Variants in TRPC7 observed in about 807,000 individuals in gnomAD.
TRPC7 encodes the protein short transient receptor potential channel 7.
Under a neutral mutation model 90.1 loss-of-function variants are expected in TRPC7, and 42 were observed. That is an observed-to-expected ratio of 0.47 (90% CI 0.36 to 0.60). TRPC7 has a LOEUF of 0.60. Ranked by LOEUF, TRPC7 falls within the 20% of genes least tolerant of loss-of-function variation. The probability of loss-of-function intolerance (pLI) is 0.00; values close to 1 mark genes in which losing one functional copy is unlikely to be tolerated. For missense variants in TRPC7, 955 were observed against 1,112.3 expected (o/e 0.86, Z 2.01); for synonymous variants, 451 against 436.3 (o/e 1.03, Z -0.42).
intron 3 of TRPC7, among the ~76,000 whole-genome samples, chr5:136,301,332 A>ATT (rs368799815): frequency 0.1 from 8,684 of 85,540 alleles, 1,271 homozygotes; most frequent in African/African-American, 0.23. Flanking sequence ...CAGCCCAGGC[A>ATT]TTTTTTTTTT....
intron 5 of TRPC7, among the ~76,000 whole-genome samples, chr5:136,262,423 G>A (rs1268096964): frequency 1.3e-5 from 2 of 152,132 alleles, no homozygotes; most frequent in Non-Finnish European, 2.9e-5. Context: ...CCTTATCAGA[G>A]TAGAGGGATG....
chr5:136,275,389 A>AC, intron 3 of TRPC7, among the ~76,000 whole-genome samples: 1 of 152,270 alleles, frequency 6.6e-6, no homozygotes, highest in East Asian at 1.9e-4. Flanking sequence ...TTGTAAAAAA[A>AC]AAAAAAATCC....
intron 3 of TRPC7, among the ~76,000 whole-genome samples, chr5:136,311,648 G>C (rs1243754320): frequency 1.3e-5 from 2 of 152,226 alleles, no homozygotes; most frequent in East Asian, 3.9e-4. Context: ...GCAGGGGAAG[G>C]CCAAGGCCAG....
chr5:136,323,617 T>C (rs1428682136), intron 2 of TRPC7, among the ~76,000 whole-genome samples: 1 of 152,218 alleles, frequency 6.6e-6, no homozygotes, highest in Non-Finnish European at 1.5e-5. Context: ...TAGTCTTTTT[T>C]GCACATCTGT....
intron 5 of TRPC7, among the ~76,000 whole-genome samples, chr5:136,252,769 G>C (rs779630772): frequency 6.6e-6 from 1 of 152,150 alleles, no homozygotes; most frequent in Non-Finnish European, 1.5e-5. Context: ...ATCTAATGCC[G>C]CTGCTGATCT....
At chr5:136,224,476 A>G (rs1051114379) in intron 10 of TRPC7, among the ~76,000 whole-genome samples, 1 of 152,198 alleles carries the variant, frequency 6.6e-6, no homozygotes, top group Non-Finnish European at 1.5e-5. Flanking sequence ...CCTGTGAGCC[A>G]TGCTGGGTGT....
intron 3 of TRPC7, among the ~76,000 whole-genome samples, chr5:136,300,895 A>C (rs572103776): frequency 1.3e-5 from 2 of 152,346 alleles, no homozygotes; most frequent in African/African-American, 4.8e-5. Flanking sequence ...TCAGAGATCT[A>C]GATGAACCAA....
At chr5:136,289,891 C>T (rs1757873599) in intron 3 of TRPC7, among the ~76,000 whole-genome samples, 1 of 152,224 alleles carries the variant, frequency 6.6e-6, no homozygotes, top group Admixed American at 6.5e-5. Flanking sequence ...GAGGCACCCC[C>T]CAGTAGGGGT....
intron 2 of TRPC7, among the ~76,000 whole-genome samples, chr5:136,342,431 T>C (rs1759873124): frequency 6.6e-6 from 1 of 152,238 alleles, no homozygotes; most frequent in South Asian, 2.1e-4. Context: ...GGATCTTCAC[T>C]GACCCCTGAG....
intron 1 of TRPC7, among the ~76,000 whole-genome samples, chr5:136,362,125 T>A (rs999127444): frequency 2.0e-5 from 3 of 152,194 alleles, no homozygotes; most frequent in African/African-American, 7.2e-5. Flanking sequence ...TAGTTATATT[T>A]AACATATATT....
chr5:136,251,693 A>G lies in TRPC7; in HGVS notation c.1535T>C (p.Leu512Pro), dbSNP rs541652034. The G allele has an allele frequency of 1.9e-6, 3 of 1,612,934 alleles. No homozygotes were observed. The highest frequency in any genetic ancestry group is 3.3e-5 in the Admixed American group (2 of 59,976). The change falls in exon 6 of 12, where the codon CTG becomes CCG. Residue 512 changes from leucine (L) to proline (P), a missense_variant. Leu to Pro is a moderately conservative substitution (Grantham distance 98). This residue lies in a region of TRPC7 where 484 missense variants were observed against 509.6 expected (regional missense o/e 0.95). Coordinates refer to ENST00000513104, the MANE Select transcript of TRPC7 (RefSeq NM_020389.3). ...YVDQHVQDDT[L>P]HNVSLPPEVA... ...TTCCGGCGGAAGCGAGACATTGTGC[A>G]GCGTGTCGTCCTGCACGTGCTGGTC...
intron 1 of TRPC7, among the ~76,000 whole-genome samples, chr5:136,358,177 T>G (rs1760451270): frequency 6.6e-6 from 1 of 152,214 alleles, no homozygotes. Context: ...TGATGGCCAC[T>G]GAAGCAACCC....
rs1760687395 is a variant in TRPC7, at chr5:136,365,296, G to A, written c.-42C>T. On this transcript the variant is annotated 5_prime_UTR_variant, in exon 1 of 12. Transcript: ENST00000513104. The stretch of plus-strand genomic sequence containing the variant: ...AGGCTTGTTCCTCCTCTAGATGACC[G>A]GAATCCGGTGTTGAGTCGCCAGAAG... 2.0e-6 allele frequency: 3 copies of A among 1,536,862 alleles called. No homozygotes were observed. Among genetic ancestry groups the A allele is most frequent in the South Asian group, 1.2e-5 (1 of 84,034 alleles).
chr5:136,305,228 T>C (rs1330501154), intron 3 of TRPC7, among the ~76,000 whole-genome samples: 4 of 151,824 alleles, frequency 2.6e-5, no homozygotes, highest in East Asian at 1.9e-4. Flanking sequence ...ATCCACCTGA[T>C]ATTCACCCCA....
chr5:136,226,400 G>C (rs915707923), intron 8 of TRPC7, 145 bp from the exon 9 acceptor site: 1 of 634,414 alleles, frequency 1.6e-6, no homozygotes, highest in Non-Finnish European at 2.8e-6. Flanking sequence ...AGATGGCACA[G>C]AGAAGGGGAG....
chr5:136,294,092 A>G (rs1472805324), intron 3 of TRPC7, among the ~76,000 whole-genome samples: 2 of 152,238 alleles, frequency 1.3e-5, no homozygotes, highest in Non-Finnish European at 2.9e-5. Context: ...AGCCATATGT[A>G]GAAAGCTGAA....
chr5:136,256,030 T>C (rs924539768), intron 5 of TRPC7, among the ~76,000 whole-genome samples: 1 of 152,246 alleles, frequency 6.6e-6, no homozygotes, highest in African/African-American at 2.4e-5. Flanking sequence ...GGAACAATGC[T>C]ACACTTAACC....
intron 2 of TRPC7, among the ~76,000 whole-genome samples, chr5:136,350,134 A>G (rs1474233579): frequency 6.6e-6 from 1 of 152,200 alleles, no homozygotes; most frequent in Non-Finnish European, 1.5e-5. Flanking sequence ...AAATTGCTTA[A>G]GGATGCATTT....
intron 8 of TRPC7, among the ~76,000 whole-genome samples, chr5:136,228,753 C>A (rs1224545617): frequency 6.6e-6 from 1 of 152,170 alleles, no homozygotes; most frequent in Non-Finnish European, 1.5e-5. Context: ...ATATTTGCAT[C>A]ATCAAAACTA....
Sources: allele counts gnomAD v4.1 joint callset (sites outside exome capture counted in the v4.1 genomes callset), GRCh38; gene constraint gnomAD v4.1.1; regional missense constraint gnomAD v4.1.1; transcripts MANE v1.5; gene names NCBI Gene and HGNC (gene_info 2026-07-23, HGNC 2026-07-21).